The following NRG3 variants were observed in gnomAD, a reference collection of about 807,000 sequenced individuals.
NRG3 encodes neuregulin 3.
NRG3 carries 31 observed loss-of-function variants against 66.9 expected under a neutral mutation model. The ratio of observed to expected loss-of-function variants is 0.46; its 90% CI spans 0.35 to 0.63. NRG3 has a LOEUF of 0.63. Ranked by LOEUF, NRG3 falls within the 20% of genes least tolerant of loss-of-function variation. The pLI is 0.00. For synonymous variants in NRG3, 393 were observed against 359.4 expected (o/e 1.09, Z -1.06); for missense variants, 910 against 878.9 (o/e 1.04, Z -0.45).
intron 2 of NRG3, among the ~76,000 whole-genome samples, chr10:82,484,037 G>A (rs527238796): frequency 6.6e-6 from 1 of 152,260 alleles, no homozygotes; most frequent in Non-Finnish European, 1.5e-5. Flanking sequence ...AATTGTATTT[G>A]AATCTGTAAA....
chr10:82,224,738 C>G (rs2076093138), intron 1 of NRG3, among the ~76,000 whole-genome samples: 1 of 152,006 alleles, frequency 6.6e-6, no homozygotes, highest in Admixed American at 6.6e-5. Context: ...AAACATTGTT[C>G]AAATCTATAT....
chr10:82,353,065 A>G (rs73314449), intron 1 of NRG3, among the ~76,000 whole-genome samples: 1 of 152,076 alleles, frequency 6.6e-6, no homozygotes, highest in African/African-American at 2.4e-5. Context: ...GTGATTGCGC[A>G]TGCAGGATCA....
chr10:82,043,224 T>A (rs1179842779), intron 1 of NRG3, among the ~76,000 whole-genome samples: 1 of 151,400 alleles, frequency 6.6e-6, no homozygotes, highest in African/African-American at 2.4e-5. Context: ...GTGATGGTTT[T>A]CCTGTACAAA....
rs367663507 is a variant in NRG3 at position 82,001,192 on chromosome 10, AGAG to A, written c.823+125030_823+125032del. Among the ~76,000 whole-genome samples the A allele has an allele frequency of 2.2e-4, 32 of 146,674 alleles. 1 individual carries two copies. The highest frequency in any genetic ancestry group is 5.4e-4 in the Admixed American group (8 of 14,712). Reference sequence around the variant, plus strand: ...TACATTTTTAAAAAAGGAAAGTGTAAGAGAAAAAAAAAAAAAAAGCAAAGGAAA... The same window carrying A: ...TACATTTTTAAAAAAGGAAAGTGTAAAAAAAAAAAAAAAAAGCAAAGGAAA... On this transcript the variant is annotated intron_variant, in intron 1 of 8. Transcript: ENST00000372141.
At chr10:82,051,061 A>G (rs1235617977) in intron 1 of NRG3, among the ~76,000 whole-genome samples, 1 of 152,144 alleles carries the variant, frequency 6.6e-6, no homozygotes, top group Non-Finnish European at 1.5e-5. Context: ...GCAAAGCAAT[A>G]TATCGAGAAT....
chr10:82,916,893 G>A lies in NRG3; in HGVS notation c.1055-34576G>A, dbSNP rs1335253685. Among the ~76,000 whole-genome samples the A allele has an allele frequency of 2.0e-5, 3 of 152,190 alleles. No homozygotes were observed. The East Asian group carries it at 5.8e-4, about 29-fold the overall frequency. ...AGCCTCCCAAAGTGCTGGGATTACA[G>A]GCGTAAGCCACTTCACCCAGCCAAC... On this transcript the variant is annotated intron_variant, in intron 4 of 8. Coordinates refer to ENST00000372141, the MANE Select transcript of NRG3 (RefSeq NM_001010848.4).
chr10:82,035,918 T>G (rs969826741), intron 1 of NRG3, among the ~76,000 whole-genome samples: 1 of 152,172 alleles, frequency 6.6e-6, no homozygotes, highest in African/African-American at 2.4e-5. Context: ...TGAATTTTTC[T>G]ACATAAAAAT....
At chr10:82,706,298 G>GA (rs895729783) in intron 2 of NRG3, among the ~76,000 whole-genome samples, 1 of 152,034 alleles carries the variant, frequency 6.6e-6, no homozygotes, top group African/African-American at 2.4e-5. Context: ...TGTGAAATTT[G>GA]AAAAAGCTTC....
chr10:82,775,714 G>A (rs772548192), intron 3 of NRG3, among the ~76,000 whole-genome samples: 1 of 152,018 alleles, frequency 6.6e-6, no homozygotes, highest in Non-Finnish European at 1.5e-5. Flanking sequence ...GCATCCACTA[G>A]TATTATTATA....
intron 2 of NRG3, among the ~76,000 whole-genome samples, chr10:82,414,757 G>C (rs757793179): frequency 5.9e-5 from 9 of 152,186 alleles, no homozygotes; most frequent in Non-Finnish European, 8.8e-5. Context: ...CAGAGAGAGA[G>C]AGATGATTGA....
intron 1 of NRG3, among the ~76,000 whole-genome samples, chr10:81,906,656 A>T (rs902347019): frequency 6.6e-6 from 1 of 152,138 alleles, no homozygotes; most frequent in Non-Finnish European, 1.5e-5. Context: ...GTGGGGTTAC[A>T]ATAAGAACTT....
intron 1 of NRG3, among the ~76,000 whole-genome samples, chr10:82,271,421 A>G (rs2078588701): frequency 6.6e-6 from 1 of 152,116 alleles, no homozygotes; most frequent in Non-Finnish European, 1.5e-5. Flanking sequence ...AAACATATAT[A>G]AAACACTTTG....
At chr10:82,863,723 T>C (rs2064265946) in intron 3 of NRG3, among the ~76,000 whole-genome samples, 1 of 152,184 alleles carries the variant, frequency 6.6e-6, no homozygotes, top group South Asian at 2.1e-4. Context: ...TTATTCTTTG[T>C]ATTGCACATT....
intron 1 of NRG3, among the ~76,000 whole-genome samples, chr10:82,319,370 T>C (rs1196246550): frequency 2.0e-5 from 3 of 152,206 alleles, no homozygotes; most frequent in Non-Finnish European, 4.4e-5. Context: ...AAAATACCAC[T>C]GTGGATAATG....
intron 2 of NRG3, among the ~76,000 whole-genome samples, chr10:82,604,536 G>A (rs1035880308): frequency 7.2e-5 from 11 of 152,212 alleles, no homozygotes; most frequent in Middle Eastern, 3.4e-3. Flanking sequence ...TCAAACTCAT[G>A]TTTGTAATTA....
At chr10:82,064,494 A>G (rs1179538900) in intron 1 of NRG3, among the ~76,000 whole-genome samples, 1 of 152,192 alleles carries the variant, frequency 6.6e-6, no homozygotes, top group African/African-American at 2.4e-5. Flanking sequence ...GAGATGGTGG[A>G]AAAATGACTT....
chr10:82,645,650 A>G (rs57647976), intron 2 of NRG3, among the ~76,000 whole-genome samples: 14,731 of 152,194 alleles, frequency 0.097, 803 homozygotes, highest in East Asian at 0.23. Flanking sequence ...GACCTTTAGG[A>G]TATAAGAATA....
intron 4 of NRG3, among the ~76,000 whole-genome samples, chr10:82,937,362 T>G (rs1042479019): frequency 1.3e-5 from 2 of 152,186 alleles, no homozygotes; most frequent in African/African-American, 4.8e-5. Flanking sequence ...CATCAAAAAC[T>G]GAGTCATAGA....
intron 4 of NRG3, among the ~76,000 whole-genome samples, chr10:82,918,418 A>G (rs1846096212): frequency 6.6e-6 from 1 of 152,184 alleles, no homozygotes; most frequent in Admixed American, 6.5e-5. Context: ...ACAAACCACA[A>G]GGTTATTTTG....
Sources: gnomAD v4.1 joint callset for allele counts (sites outside exome capture counted in the v4.1 genomes callset) on GRCh38, gnomAD v4.1.1 for gene constraint, MANE v1.5 for transcripts, NCBI Gene and HGNC (gene_info 2026-07-23, HGNC 2026-07-21) for gene names.